The following TMEM244 variants were observed in gnomAD, a reference collection of about 807,000 sequenced individuals.
TMEM244 encodes the protein transmembrane protein 244.
A neutral mutation model predicts 15.8 loss-of-function variants in TMEM244; 13 were observed. The observed-to-expected ratio is 0.82, with a 90% CI of 0.53 to 1.30. The LOEUF is 1.30. TMEM244 is among the 50% of genes most tolerant of loss of function. TMEM244 has a pLI of 0.00. For missense variants in TMEM244, 161 were observed against 144.9 expected, an observed-to-expected ratio of 1.11 and a Z score of -0.57; for synonymous variants, 45 against 48.7, an observed-to-expected ratio of 0.92 and a Z score of 0.32.
chr6:129,857,244 C>T (rs905893604), intron 1 of TMEM244, among the ~76,000 whole-genome samples: 5 of 151,842 alleles, frequency 3.3e-5, no homozygotes, highest in South Asian at 2.1e-4. Context: ...TTTTAATTCT[C>T]ATGACTCTTT....
chr6:129,840,135 A>T (rs1273219388), intron 3 of TMEM244, among the ~76,000 whole-genome samples: 1 of 152,210 alleles, frequency 6.6e-6, no homozygotes, highest in African/African-American at 2.4e-5. Flanking sequence ...AATCCTAAGC[A>T]AAAAGAACAA....
intron 3 of TMEM244, among the ~76,000 whole-genome samples, chr6:129,838,337 T>C (rs1192290657): frequency 6.6e-6 from 1 of 152,146 alleles, no homozygotes; most frequent in Non-Finnish European, 1.5e-5. Flanking sequence ...GAATGACTAC[T>C]GGGTACATAA....
At chr6:129,860,279 C>T (rs1008730247) in intron 1 of TMEM244, among the ~76,000 whole-genome samples, 1 of 151,982 alleles carries the variant, frequency 6.6e-6, no homozygotes, top group African/African-American at 2.4e-5. Context: ...TAGTTCAATC[C>T]CAAATCTATA....
chr6:129,846,573 C>T (rs533149104), intron 1 of TMEM244, among the ~76,000 whole-genome samples: 2 of 152,120 alleles, frequency 1.3e-5, no homozygotes, highest in East Asian at 1.9e-4. Flanking sequence ...TCTTACCCTC[C>T]ATTCACTGGA....
rs1776497706 is a variant in TMEM244 at position 129,842,014 on chromosome 6, T to C, written c.193+1516A>G. 2.0e-5 allele frequency among the ~76,000 whole-genome samples: 3 copies of C among 152,302 alleles called. No individual in the cohort carries two copies. The South Asian group carries it at 6.2e-4, about 32-fold the overall frequency. ...TACGCTAAGGTTTTATTGATATCTT[T>C]GTACAAATGTTTGTGTTTCATGAGA... On this transcript the variant is annotated intron_variant, in intron 3 of 4. Transcript: ENST00000368143.
intron 1 of TMEM244, among the ~76,000 whole-genome samples, chr6:129,848,882 T>C (rs948822459): frequency 6.6e-6 from 1 of 152,176 alleles, no homozygotes; most frequent in Non-Finnish European, 1.5e-5. Context: ...CAATCCAAAA[T>C]AAGATGAATA....
At position 129,831,338 on chromosome 6, in the gene TMEM244, A is replaced by G; in HGVS notation, c.368T>C (p.Ile123Thr). 1.3e-6 allele frequency: 2 copies of G among 1,565,754 alleles called. No homozygotes were observed. The highest frequency in any genetic ancestry group is 1.1e-5 in the South Asian group (1 of 89,536). ...LTSHWWAALG[I>T]SKLLV ...GAGAATCTAAACAAGCAATTTTGATATACCTAAAGCAGCCCACCAATGTGA... is the reference window on the plus strand; with the variant it reads ...GAGAATCTAAACAAGCAATTTTGATGTACCTAAAGCAGCCCACCAATGTGA... Residue 123 changes from isoleucine to threonine, a missense_variant, in exon 5 of 5, where the codon ATA becomes ACA. Transcript: ENST00000368143.
chr6:129,840,264 A>G (rs1262366741), intron 3 of TMEM244, among the ~76,000 whole-genome samples: 1 of 152,128 alleles, frequency 6.6e-6, no homozygotes, highest in East Asian at 1.9e-4. Flanking sequence ...AGAGGCCTCA[A>G]GAATAACACC....
intron 3 of TMEM244, among the ~76,000 whole-genome samples, chr6:129,841,819 A>G (rs947855992): frequency 2.6e-5 from 4 of 152,112 alleles, no homozygotes; most frequent in Non-Finnish European, 5.9e-5. Context: ...TGGGTGACAA[A>G]ATTATTGAAA....
intron 3 of TMEM244, among the ~76,000 whole-genome samples, chr6:129,841,666 CT>C (rs376698234): frequency 6.6e-6 from 1 of 152,056 alleles, no homozygotes; most frequent in African/African-American, 2.4e-5. Flanking sequence ...TATTATTTAT[CT>C]CAAAAAAATT....
intron 1 of TMEM244, 71 bp downstream of exon 1, chr6:129,861,085 T>C (rs1292656236): frequency 3.2e-6 from 5 of 1,555,022 alleles, no homozygotes; most frequent in Non-Finnish European, 4.4e-6. Context: ...AGGCCATTTA[T>C]AGAACATATT....
At chr6:129,831,637 A>T (rs1418450067) in intron 4 of TMEM244, among the ~76,000 whole-genome samples, 1 of 152,152 alleles carries the variant, frequency 6.6e-6, no homozygotes, top group Non-Finnish European at 1.5e-5. Context: ...CCCAAAGTTG[A>T]TTTTAAGTGA....
chr6:129,859,051 C>T (rs1776760730), intron 1 of TMEM244, among the ~76,000 whole-genome samples: 1 of 152,036 alleles, frequency 6.6e-6, no homozygotes, highest in African/African-American at 2.4e-5. Flanking sequence ...GGTTTGGCCT[C>T]CTAAAGTGCT....
In TMEM244 at chr6:129,861,264, TCAC is replaced by T; in HGVS notation, c.-79_-77del. 1 of 1,543,636 alleles carries T rather than the reference TCAC, an allele frequency of 6.5e-7. No individual in the cohort carries two copies. Among genetic ancestry groups the T allele is most frequent in the Non-Finnish European group, 8.9e-7 (1 of 1,119,986 alleles). ...TGACATCTGGAAGAAGACACAATTG[TCAC>T]CGTGAGCTTTTCAATTACTCCTGGA... On this transcript the variant is annotated 5_prime_UTR_variant, in exon 1 of 5. Transcript: ENST00000368143.
At chr6:129,840,191 T>C (rs1776468624) in intron 3 of TMEM244, among the ~76,000 whole-genome samples, 1 of 152,186 alleles carries the variant, frequency 6.6e-6, no homozygotes, top group South Asian at 2.1e-4. Flanking sequence ...GCTACACAGC[T>C]ACAGTAACCA....
chr6:129,845,436 T>C (rs932282732), intron 2 of TMEM244, among the ~76,000 whole-genome samples: 29 of 152,204 alleles, frequency 1.9e-4, no homozygotes, highest in Admixed American at 1.2e-3. Context: ...CATTTCATGA[T>C]TGTTACTTTT....
chr6:129,831,781 A>G (rs1010234631), intron 4 of TMEM244, among the ~76,000 whole-genome samples: 3 of 152,206 alleles, frequency 2.0e-5, no homozygotes, highest in Admixed American at 1.3e-4. Context: ...TCATTAACTC[A>G]TAACTTTTCT....
chr6:129,858,664 A>T (rs1776753373), intron 1 of TMEM244, among the ~76,000 whole-genome samples: 1 of 152,168 alleles, frequency 6.6e-6, no homozygotes. Flanking sequence ...CACTGATTTG[A>T]CCACATTTAA....
In TMEM244 at chr6:129,859,592, T is replaced by C. The variant is rs148346826; in HGVS notation, c.33+1564A>G. On this transcript the variant is annotated intron_variant, in intron 1 of 4. Transcript: ENST00000368143. ...CATAGTTAGGAAACATGCCGTCTACTGGAGTAGAATACATTGTATTCTGAA... is the reference window on the plus strand; with the variant it reads ...CATAGTTAGGAAACATGCCGTCTACCGGAGTAGAATACATTGTATTCTGAA... Among the ~76,000 whole-genome samples the C allele has an allele frequency of 2.6e-3, 400 of 152,370 alleles. 2 individuals carry two copies. Among genetic ancestry groups the C allele is most frequent in the Middle Eastern group, 6.8e-3 (2 of 294 alleles).
Sources: gnomAD v4.1 joint callset for allele counts (sites outside exome capture counted in the v4.1 genomes callset) on GRCh38, gnomAD v4.1.1 for gene constraint, MANE v1.5 for transcripts, NCBI Gene and HGNC (gene_info 2026-07-23, HGNC 2026-07-21) for gene names.